The following IGF2BP3 variants were observed in gnomAD, a reference collection of about 807,000 sequenced individuals.
IGF2BP3 encodes the protein insulin-like growth factor 2 mRNA-binding protein 3.
Under a neutral mutation model 73.8 loss-of-function variants are expected in IGF2BP3, and 9 were observed. The ratio of observed to expected loss-of-function variants is 0.12; its 90% CI spans 0.07 to 0.21. The LOEUF (loss-of-function observed/expected upper bound fraction) is 0.21. Among genes scored for constraint, IGF2BP3 ranks in the 10% least tolerant of loss-of-function variants. The pLI, the probability that IGF2BP3 is intolerant of heterozygous loss-of-function variation, is 1.00. For missense variants in IGF2BP3, 542 were observed against 714.0 expected (o/e 0.76, Z 2.75); for synonymous variants, 258 against 256.7 (o/e 1.01, Z -0.05).
intron 2 of IGF2BP3, among the ~76,000 whole-genome samples, chr7:23,457,035 C>CA (rs1292466406): frequency 1.3e-5 from 2 of 150,408 alleles, no homozygotes; most frequent in African/African-American, 4.9e-5. Flanking sequence ...GTCGACAGAG[C>CA]AAGACTCTGT....
rs1783821543 is a variant in IGF2BP3, at chr7:23,311,309, C to T, written c.*1053G>A. 1 of 152,496 alleles carries T rather than the reference C, an allele frequency of 6.6e-6. No individual in the cohort carries two copies. The highest frequency in any genetic ancestry group is 1.5e-5 in the Non-Finnish European group (1 of 67,996). 9.4% of individuals were successfully genotyped at this position (152,496 alleles called of 1,614,324 possible). ...AGACAAGCTAAAGCTTGCTTTTTGC[C>T]AGTCAGTTGAAAGTCTTGCATCTCT... On this transcript the variant is annotated 3_prime_UTR_variant, in exon 15 of 15. Transcript: ENST00000258729.
chr7:23,342,156 T>C lies in IGF2BP3; in HGVS notation c.1111A>G (p.Asn371Asp). The change falls in exon 10 of 15, where the codon AAC (asparagine) becomes GAC (aspartate). Residue 371 changes from asparagine to aspartate, a missense_variant. By Grantham distance (23) the Asn-to-Asp change is conservative. Around this residue, in one of 2 missense-constraint regions of IGF2BP3, gnomAD observed 303 missense variants for 472.1 expected, o/e 0.64. Coordinates refer to ENST00000258729, the MANE Select transcript of IGF2BP3 (RefSeq NM_006547.3). Reference sequence around the variant, plus strand: ...GTGGGTGGGAACAGACCCAAGGCGTTCAGATTTAATCCAGGAATTAAATGT... The same window carrying C: ...GTGGGTGGGAACAGACCCAAGGCGTCCAGATTTAATCCAGGAATTAAATGT... ...QAHLIPGLNL[N>D]ALGLFPPTSG... is the part of the protein sequence containing the mutation. 1 of 1,613,824 alleles carries C rather than the reference T, an allele frequency of 6.2e-7. No individual in the cohort carries two copies. The highest frequency in any genetic ancestry group is 8.5e-7 in the Non-Finnish European group (1 of 1,179,874).
chr7:23,459,087 T>C (rs1788385768), intron 2 of IGF2BP3, among the ~76,000 whole-genome samples: 1 of 152,242 alleles, frequency 6.6e-6, no homozygotes, highest in Admixed American at 6.5e-5. Context: ...TTAGTTTTCC[T>C]TTCTTATAAT....
chr7:23,369,980 A>G (rs1238083950), intron 3 of IGF2BP3, among the ~76,000 whole-genome samples: 1 of 152,156 alleles, frequency 6.6e-6, no homozygotes, highest in Non-Finnish European at 1.5e-5. Context: ...CTAACACTCC[A>G]TGACTATATC....
Position 23,310,606 on chromosome 7 carries a change from A to G in IGF2BP3, c.*1756T>C, listed in dbSNP as rs533837185. On this transcript the variant is annotated 3_prime_UTR_variant, in exon 15 of 15. Coordinates refer to ENST00000258729, the MANE Select transcript of IGF2BP3 (RefSeq NM_006547.3). ...TTTTAATTCATTGTATGAAAAAAAA[A>G]TCATGAATGCTAGGAGAATCCAGTG... 3.7e-4 allele frequency: 56 copies of G among 152,348 alleles called. No individual in the cohort carries two copies. Among genetic ancestry groups the G allele is most frequent in the African/African-American group, 1.3e-3 (54 of 41,586 alleles). The allele number at this position is 152,348 out of a possible 1,614,324, so 9.4% of individuals were successfully genotyped here.
At chr7:23,347,484 C>T in intron 7 of IGF2BP3, 116 bp downstream of exon 7, 1 of 1,053,798 alleles carries the variant, frequency 9.5e-7, no homozygotes, top group Non-Finnish European at 1.4e-6. Flanking sequence ...CACTGTAGCT[C>T]ATCAGGATAT....
chr7:23,388,455 A>G (rs1258960357), intron 3 of IGF2BP3, among the ~76,000 whole-genome samples: 3 of 152,178 alleles, frequency 2.0e-5, no homozygotes, highest in Middle Eastern at 3.2e-3. Context: ...GCAGTACTCT[A>G]AACAGCTAAA....
At chr7:23,337,958 A>G (rs1295053367) in intron 10 of IGF2BP3, among the ~76,000 whole-genome samples, 3 of 152,238 alleles carry the variant, frequency 2.0e-5, no homozygotes, top group Non-Finnish European at 4.4e-5. Context: ...TGGTGGAACC[A>G]CTTCCAGCCT....
At chr7:23,322,209 T>C (rs1428381561) in intron 10 of IGF2BP3, among the ~76,000 whole-genome samples, 1 of 152,030 alleles carries the variant, frequency 6.6e-6, no homozygotes, top group Non-Finnish European at 1.5e-5. Flanking sequence ...GAATAACCAA[T>C]ACACAGAAGT....
intron 3 of IGF2BP3, among the ~76,000 whole-genome samples, chr7:23,391,028 G>A (rs150127915): frequency 0.015 from 2,250 of 150,958 alleles, 62 homozygotes; most frequent in African/African-American, 0.051. Flanking sequence ...TGAACCCTTG[G>A]CCTCAAGTGA....
intron 6 of IGF2BP3, among the ~76,000 whole-genome samples, chr7:23,350,025 AC>A (rs1303021914): frequency 1.3e-5 from 2 of 152,252 alleles, no homozygotes; most frequent in East Asian, 3.9e-4. Flanking sequence ...CATTCAGGTA[AC>A]CAGCACCCAA....
intron 10 of IGF2BP3, among the ~76,000 whole-genome samples, chr7:23,322,598 CA>C (rs1232789975): frequency 1.8e-4 from 27 of 152,098 alleles, no homozygotes; most frequent in Non-Finnish European, 3.8e-4. Context: ...TCGAGAAGAG[CA>C]ACTCCAAGAC....
At chr7:23,371,281 C>T (rs1375038485) in intron 3 of IGF2BP3, among the ~76,000 whole-genome samples, 2 of 152,038 alleles carry the variant, frequency 1.3e-5, no homozygotes, top group Non-Finnish European at 2.9e-5. Flanking sequence ...AAAGTCTCCA[C>T]AGAATCACCC....
chr7:23,368,875 C>T (rs542776350), intron 3 of IGF2BP3, among the ~76,000 whole-genome samples: 2 of 150,742 alleles, frequency 1.3e-5, no homozygotes, highest in South Asian at 4.2e-4. Flanking sequence ...CCAGCCTGGG[C>T]CACGAGAGCA....
At chr7:23,431,550 G>A (rs1490147550) in intron 2 of IGF2BP3, among the ~76,000 whole-genome samples, 1 of 151,952 alleles carries the variant, frequency 6.6e-6, no homozygotes, top group African/African-American at 2.4e-5. Flanking sequence ...TTAACAGAGG[G>A]TCACAGGTAC....
intron 10 of IGF2BP3, among the ~76,000 whole-genome samples, chr7:23,340,795 G>A (rs1342718803): frequency 6.6e-6 from 1 of 151,886 alleles, no homozygotes; most frequent in Non-Finnish European, 1.5e-5. Context: ...CTGACCTCAA[G>A]GAAACTGCTA....
At chr7:23,329,194 C>T (rs1270961214) in intron 10 of IGF2BP3, among the ~76,000 whole-genome samples, 1 of 149,196 alleles carries the variant, frequency 6.7e-6, no homozygotes, top group Non-Finnish European at 1.5e-5. Context: ...GCCTGGGCGA[C>T]AGAGCAAGAC....
At chr7:23,441,141 GAATA>G (rs971404135) in intron 2 of IGF2BP3, among the ~76,000 whole-genome samples, 24 of 152,052 alleles carry the variant, frequency 1.6e-4, no homozygotes, top group African/African-American at 5.6e-4. Flanking sequence ...TTATGAGACT[GAATA>G]AATAGCATCA....
chr7:23,409,205 C>T (rs1786940788), intron 3 of IGF2BP3, among the ~76,000 whole-genome samples: 2 of 152,224 alleles, frequency 1.3e-5, no homozygotes, highest in Admixed American at 1.3e-4. Flanking sequence ...TAACAGGCCA[C>T]AGATGGTACC....
Sources: allele counts gnomAD v4.1 joint callset (sites outside exome capture counted in the v4.1 genomes callset), GRCh38; gene constraint gnomAD v4.1.1; regional missense constraint gnomAD v4.1.1; transcripts MANE v1.5; gene names NCBI Gene and HGNC (gene_info 2026-07-23, HGNC 2026-07-21).